LPAR1: variants seen among roughly 807,000 people sequenced by gnomAD.
LPAR1 encodes the protein LPA receptor 1.
Under a neutral mutation model 23.8 loss-of-function variants are expected in LPAR1, and 5 were observed. The ratio of observed to expected loss-of-function variants is 0.21; its 90% CI spans 0.11 to 0.44. The LOEUF (loss-of-function observed/expected upper bound fraction) is 0.44, where lower values mean the gene tolerates loss of function less well. LPAR1 is among the 20% of genes least tolerant of loss of function. LPAR1 has a pLI of 0.99. For synonymous variants in LPAR1, 160 were observed against 164.7 expected (o/e 0.97, Z 0.22); for missense variants, 311 against 482.8 (o/e 0.64, Z 3.33).
At chr9:110,996,024 CTA>C (rs997569449) in intron 2 of LPAR1, among the ~76,000 whole-genome samples, 14 of 152,256 alleles carry the variant, frequency 9.2e-5, no homozygotes, top group Admixed American at 7.9e-4. Flanking sequence ...CACAAAGCCC[CTA>C]TGTCTGAGAC....
intron 5 of LPAR1, among the ~76,000 whole-genome samples, chr9:110,895,348 G>A (rs1341495420): frequency 6.6e-6 from 1 of 152,220 alleles, no homozygotes; most frequent in Non-Finnish European, 1.5e-5. Flanking sequence ...AAAGGTTCTG[G>A]GTGGCTGGCT....
At chr9:111,030,357 C>T (rs903717967) in intron 2 of LPAR1, among the ~76,000 whole-genome samples, 6 of 152,198 alleles carry the variant, frequency 3.9e-5, no homozygotes, top group African/African-American at 1.4e-4. Context: ...GGCAAAGCAT[C>T]CCCTTAACAA....
chr9:111,036,657 G>GC (rs1201936373), intron 1 of LPAR1, among the ~76,000 whole-genome samples: 1 of 152,160 alleles, frequency 6.6e-6, no homozygotes, highest in Non-Finnish European at 1.5e-5. Context: ...AGGTCGCGCC[G>GC]CTAGGGGACG....
Position 110,943,274 on chromosome 9 carries a change from A to T in LPAR1, c.46-1106T>A, listed in dbSNP as rs149148616. ...TAAAATTAAAAAATATATCTTGAAGACGGTTCACATTCTACTTTTTCATTT... is the reference window on the plus strand; with the variant it reads ...TAAAATTAAAAAATATATCTTGAAGTCGGTTCACATTCTACTTTTTCATTT... On this transcript the variant is annotated intron_variant, in intron 4 of 5. Coordinates refer to ENST00000683809, the MANE Select transcript of LPAR1 (RefSeq NM_001351411.2). Among the ~76,000 whole-genome samples, 790 of 151,692 alleles carry T rather than the reference A, an allele frequency of 5.2e-3. 10 individuals are homozygous for T. Among genetic ancestry groups the T allele is most frequent in the African/African-American group, 0.017 (724 of 41,458 alleles).
chr9:110,902,033 G>A (rs930473132), intron 5 of LPAR1, among the ~76,000 whole-genome samples: 1 of 151,962 alleles, frequency 6.6e-6, no homozygotes, highest in African/African-American at 2.4e-5. Flanking sequence ...GGAAGCCAGA[G>A]AACTCCAAAA....
intron 3 of LPAR1, among the ~76,000 whole-genome samples, chr9:110,973,048 A>T (rs1187641991): frequency 6.6e-6 from 1 of 152,232 alleles, no homozygotes; most frequent in Non-Finnish European, 1.5e-5. Flanking sequence ...TAGCACACAC[A>T]GTGTGGAATC....
At chr9:111,020,669 T>C (rs926883407) in intron 2 of LPAR1, among the ~76,000 whole-genome samples, 6 of 152,296 alleles carry the variant, frequency 3.9e-5, no homozygotes, top group Non-Finnish European at 8.8e-5. Flanking sequence ...AACCTGTTTC[T>C]AGTACTAGCA....
intron 5 of LPAR1, among the ~76,000 whole-genome samples, chr9:110,907,607 C>T (rs142511984): frequency 6.6e-6 from 1 of 152,266 alleles, no homozygotes; most frequent in Non-Finnish European, 1.5e-5. Flanking sequence ...TTGACATTCA[C>T]ATGTCTGGAC....
intron 4 of LPAR1, among the ~76,000 whole-genome samples, chr9:110,948,058 C>A (rs1354560558): frequency 6.6e-6 from 1 of 152,138 alleles, no homozygotes; most frequent in Non-Finnish European, 1.5e-5. Context: ...ATTTGTTTTT[C>A]AATAAGTTCC....
chr9:110,875,719 G>T lies in LPAR1; in HGVS notation c.797C>A (p.Ala266Asp), dbSNP rs142862362. 1.3e-5 allele frequency: 20 copies of T among 1,581,372 alleles called. No individual in the cohort carries two copies. The highest frequency in any genetic ancestry group is 1.6e-5 in the Non-Finnish European group (19 of 1,160,104). The change falls in exon 6 of 6, where the codon GCC becomes GAC. Residue 266 changes from alanine (A) to aspartate (D), a missense_variant. This residue lies in a region of LPAR1 where 250 missense variants were observed against 427.2 expected (regional missense o/e 0.59). Coordinates refer to ENST00000683809, the MANE Select transcript of LPAR1 (RefSeq NM_001351411.2). ...LLKTVVIVLG[A>D]FIICWTPGLV... ...TCCAGGAGTCCAGCAGATGATAAAG[G>T]CCCCTACAAGGACAAGGATAGGGAT...
intron 5 of LPAR1, among the ~76,000 whole-genome samples, chr9:110,928,597 C>CACACGCACACATACATAT (rs1381976248): frequency 6.6e-6 from 1 of 152,188 alleles, no homozygotes; most frequent in Non-Finnish European, 1.5e-5. Context: ...TCGTTTTATA[C>CACACGCACACATACATAT]ACACGCACAC....
intron 2 of LPAR1, among the ~76,000 whole-genome samples, chr9:111,019,777 G>A (rs535558404): frequency 1.8e-4 from 27 of 152,240 alleles, no homozygotes; most frequent in African/African-American, 6.5e-4. Flanking sequence ...CCTGGGAGGT[G>A]GAGATTGCAG....
intron 5 of LPAR1, among the ~76,000 whole-genome samples, chr9:110,931,930 T>C (rs1414608883): frequency 6.6e-6 from 1 of 152,224 alleles, no homozygotes; most frequent in Non-Finnish European, 1.5e-5. Context: ...TGTAGCCTTG[T>C]AGTATAGTTT....
At chr9:110,991,574 TTTGTTTTGTTGTTGTTG>T (rs1360530678) in intron 2 of LPAR1, among the ~76,000 whole-genome samples, 1,823 of 83,300 alleles carry the variant, frequency 0.022, 36 homozygotes, top group African/African-American at 0.06. Context: ...ATCTTTCTGG[TTTGTTTTGTTGTTGTTG>T]TTGTTGTTGT....
chr9:110,992,547 G>A (rs1261095668), intron 2 of LPAR1, among the ~76,000 whole-genome samples: 1 of 152,140 alleles, frequency 6.6e-6, no homozygotes, highest in Non-Finnish European at 1.5e-5. Flanking sequence ...AATGCTTCTA[G>A]TAGTTTTATC....
At chr9:111,033,535 C>T (rs564357357) in intron 2 of LPAR1, among the ~76,000 whole-genome samples, 1 of 152,108 alleles carries the variant, frequency 6.6e-6, no homozygotes, top group South Asian at 2.1e-4. Flanking sequence ...AATTCAGCCA[C>T]CTTCTTTTTC....
chr9:111,003,040 G>A (rs1484028710), intron 2 of LPAR1, among the ~76,000 whole-genome samples: 3 of 152,114 alleles, frequency 2.0e-5, no homozygotes, highest in Admixed American at 1.3e-4. Flanking sequence ...ATACCCAGAT[G>A]AGAAATTCTG....
At chr9:110,893,164 T>C (rs1021979531) in intron 5 of LPAR1, among the ~76,000 whole-genome samples, 4 of 152,218 alleles carry the variant, frequency 2.6e-5, no homozygotes, top group African/African-American at 4.8e-5. Context: ...AGAAGAGTCA[T>C]TTGACCATCT....
chr9:110,896,644 T>C (rs2086436692), intron 5 of LPAR1, among the ~76,000 whole-genome samples: 1 of 152,144 alleles, frequency 6.6e-6, no homozygotes, highest in African/African-American at 2.4e-5. Flanking sequence ...GGATTACCCA[T>C]AGTGAGGTTA....
Sources: gnomAD v4.1 joint callset for allele counts (sites outside exome capture counted in the v4.1 genomes callset) on GRCh38, gnomAD v4.1.1 for gene constraint, gnomAD v4.1.1 regional missense constraint, MANE v1.5 for transcripts, NCBI Gene and HGNC (gene_info 2026-07-23, HGNC 2026-07-21) for gene names.